The following ZNF407 variants were observed in gnomAD, a reference collection of about 807,000 sequenced individuals.
ZNF407 encodes the protein zinc finger protein 407.
Under a neutral mutation model 131.2 loss-of-function variants are expected in ZNF407, and 17 were observed. The observed-to-expected ratio is 0.13, with a 90% confidence interval of 0.09 to 0.19. ZNF407 has a LOEUF of 0.19. Among genes scored for constraint, ZNF407 ranks in the 10% least tolerant of loss-of-function variants. The probability of loss-of-function intolerance (pLI) is 1.00; values close to 1 mark genes in which losing one functional copy is unlikely to be tolerated. For missense variants in ZNF407, 2,681 were observed against 2,830.6 expected (o/e 0.95, Z 1.20); for synonymous variants, 1,156 against 1,062.0 (o/e 1.09, Z -1.72).
At chr18:74,879,983 C>T (rs1971216172) in intron 5 of ZNF407, among the ~76,000 whole-genome samples, 1 of 152,198 alleles carries the variant, frequency 6.6e-6, no homozygotes, top group African/African-American at 2.4e-5. Context: ...TGATTTGGGA[C>T]AACACAGCCT....
chr18:74,855,204 A>G (rs998093315), intron 4 of ZNF407, among the ~76,000 whole-genome samples: 1 of 152,276 alleles, frequency 6.6e-6, no homozygotes, highest in Admixed American at 6.5e-5. Flanking sequence ...TTTTGCTAAG[A>G]TTGTTTGTTC....
At chr18:74,979,207 T>C (rs1972560796) in intron 8 of ZNF407, among the ~76,000 whole-genome samples, 1 of 152,154 alleles carries the variant, frequency 6.6e-6, no homozygotes, top group Non-Finnish European at 1.5e-5. Context: ...TGCAATAGCT[T>C]CGTGGCCCTT....
rs1282012701 is a variant in ZNF407 at position 75,064,181 on chromosome 18, G to A, written c.6460G>A (p.Ala2154Thr). 6.2e-7 allele frequency: 1 copy of A among 1,604,438 alleles called. No homozygotes were observed. Among genetic ancestry groups the A allele is most frequent in the Admixed American group, 1.7e-5 (1 of 58,894 alleles). ...QIIVTEELVQ[A>T]MVQESSGGFS... ...CATCGTGACGGAGGAGCTGGTCCAG[G>A]CCATGGTGCAGGAGTCCAGTGGCGG... The change falls in exon 9 of 9, where the codon GCC becomes ACC. Residue 2154 changes from alanine to threonine, a missense_variant. This residue lies in a region of ZNF407 where 620 missense variants were observed against 583.1 expected (regional missense o/e 1.06). Coordinates refer to ENST00000299687, the MANE Select transcript of ZNF407 (RefSeq NM_017757.3).
chr18:74,963,188 C>T lies in ZNF407; in HGVS notation c.5428+42496C>T, dbSNP rs555742258. On this transcript the variant is annotated intron_variant, in intron 8 of 8. Transcript: ENST00000299687. Reference sequence around the variant, plus strand: ...TTTTTTTGTCCTGAATGGAACATTCCCAAGTACTGCAACAAACCATTGGGT... The same window carrying T: ...TTTTTTTGTCCTGAATGGAACATTCTCAAGTACTGCAACAAACCATTGGGT... 3.2e-4 allele frequency among the ~76,000 whole-genome samples: 48 copies of T among 150,418 alleles called. 2 individuals carry two copies. Among genetic ancestry groups the T allele is most frequent in the African/African-American group, 1.2e-3 (48 of 40,840 alleles).
At chr18:74,926,302 A>G (rs559621372) in intron 8 of ZNF407, among the ~76,000 whole-genome samples, 2 of 152,282 alleles carry the variant, frequency 1.3e-5, no homozygotes, top group African/African-American at 4.8e-5. Flanking sequence ...TTCATAATCT[A>G]TGAGTGAGTA....
chr18:74,835,896 G>C (rs1483457298), intron 4 of ZNF407, among the ~76,000 whole-genome samples: 1 of 151,910 alleles, frequency 6.6e-6, no homozygotes, highest in Non-Finnish European at 1.5e-5. Flanking sequence ...TATGCTGGTT[G>C]GTGCAAGCAA....
At chr18:74,979,817 C>G (rs999571273) in intron 8 of ZNF407, among the ~76,000 whole-genome samples, 1 of 152,232 alleles carries the variant, frequency 6.6e-6, no homozygotes, top group East Asian at 1.9e-4. Context: ...CACCACTTTA[C>G]GTATCTGTGA....
chr18:74,811,352 A>G (rs1970192281), intron 4 of ZNF407, among the ~76,000 whole-genome samples: 1 of 152,128 alleles, frequency 6.6e-6, no homozygotes, highest in Non-Finnish European at 1.5e-5. Context: ...TTAGAATGGC[A>G]ATCATTAAAA....
intron 7 of ZNF407, among the ~76,000 whole-genome samples, chr18:74,893,484 C>T (rs919224625): frequency 2.6e-5 from 4 of 151,990 alleles, no homozygotes; most frequent in African/African-American, 9.7e-5. Context: ...AAAAAATTTG[C>T]AAAAGTTTGA....
intron 8 of ZNF407, among the ~76,000 whole-genome samples, chr18:75,018,357 TA>T (rs1395225160): frequency 1.3e-5 from 2 of 151,952 alleles, no homozygotes; most frequent in Non-Finnish European, 2.9e-5. Flanking sequence ...GTCTAAATAT[TA>T]TGAAAAATTA....
chr18:75,053,919 C>A (rs1394979137), intron 8 of ZNF407, among the ~76,000 whole-genome samples: 14 of 152,228 alleles, frequency 9.2e-5, no homozygotes, highest in Admixed American at 8.5e-4. Context: ...GGCTTTGCTT[C>A]CCCCGCACCT....
Position 74,606,297 on chromosome 18 carries a change from T to C in ZNF407, c.-54+8360T>C, listed in dbSNP as rs376033744. ...AGGTTGAAGCTCATCATGTGTGTAA[T>C]GCTGAATTCTATCTGGAAAGGTGCT... On this transcript the variant is annotated intron_variant, in intron 1 of 8. Transcript: ENST00000299687. 9.3e-4 allele frequency among the ~76,000 whole-genome samples: 141 copies of C among 152,358 alleles called. 1 individual carries two copies. The highest frequency in any genetic ancestry group is 3.1e-3 in the African/African-American group (131 of 41,592).
At chr18:74,796,233 AT>A (rs902447331) in intron 4 of ZNF407, among the ~76,000 whole-genome samples, 1 of 152,106 alleles carries the variant, frequency 6.6e-6, no homozygotes, top group Non-Finnish European at 1.5e-5. Context: ...ATATTGATAC[AT>A]TTTTTTCCAG....
intron 3 of ZNF407, among the ~76,000 whole-genome samples, chr18:74,747,199 T>C (rs1444418450): frequency 6.6e-6 from 1 of 152,202 alleles, no homozygotes; most frequent in Non-Finnish European, 1.5e-5. Flanking sequence ...TTTCTCTTTT[T>C]ATTTCTTGTT....
At position 74,692,051 on chromosome 18, in the gene ZNF407, G is replaced by A. The variant is rs769103415; in HGVS notation, c.4802+50929G>A. On this transcript the variant is annotated intron_variant, in intron 3 of 8. Transcript: ENST00000299687. ...CGAGGCTGCAATGAGCTGTGGTTGC[G>A]CCACTGCACTCCATCCTGGGTAACA... 1.6e-4 allele frequency among the ~76,000 whole-genome samples: 24 copies of A among 152,082 alleles called. 1 individual carries two copies. The highest frequency in any genetic ancestry group is 5.1e-4 in the African/African-American group (21 of 41,468).
chr18:74,654,692 A>C (rs943031852), intron 3 of ZNF407, among the ~76,000 whole-genome samples: 4 of 151,868 alleles, frequency 2.6e-5, no homozygotes, highest in Non-Finnish European at 5.9e-5. Context: ...CAAATTTGAG[A>C]TCATGAGGCT....
chr18:74,719,276 C>T (rs1258658616), intron 3 of ZNF407, among the ~76,000 whole-genome samples: 1 of 152,060 alleles, frequency 6.6e-6, no homozygotes, highest in South Asian at 2.1e-4. Context: ...AGAAAGAGTT[C>T]CTCCTGTCTG....
intron 8 of ZNF407, among the ~76,000 whole-genome samples, chr18:75,042,909 G>A (rs183495769): frequency 5.9e-5 from 9 of 152,200 alleles, no homozygotes; most frequent in East Asian, 3.9e-4. Context: ...GTCCTGTTCC[G>A]TCGCATGCGT....
chr18:74,620,152 T>C (rs1222334564), intron 1 of ZNF407, among the ~76,000 whole-genome samples: 1 of 152,218 alleles, frequency 6.6e-6, no homozygotes, highest in Non-Finnish European at 1.5e-5. Context: ...ACAAAAGATA[T>C]ATTTGTCAGA....
Sources: gnomAD v4.1 joint callset for allele counts (sites outside exome capture counted in the v4.1 genomes callset) on GRCh38, gnomAD v4.1.1 for gene constraint, gnomAD v4.1.1 regional missense constraint, MANE v1.5 for transcripts, NCBI Gene and HGNC (gene_info 2026-07-23, HGNC 2026-07-21) for gene names.